The following ANKRD11 variants were observed in gnomAD, a reference collection of about 807,000 sequenced individuals.
ANKRD11 encodes the protein ankyrin repeat domain-containing protein 11.
Under a neutral mutation model 195.7 loss-of-function variants are expected in ANKRD11, and 17 were observed. The ratio of observed to expected loss-of-function variants is 0.09; its 90% CI spans 0.06 to 0.13. ANKRD11 has a LOEUF of 0.13. ANKRD11 is among the 10% of genes least tolerant of loss of function. The probability of loss-of-function intolerance (pLI) is 1.00; values close to 1 mark genes in which losing one functional copy is unlikely to be tolerated. For missense variants in ANKRD11, 3,735 were observed against 3,566.1 expected (o/e 1.05, Z -1.21); for synonymous variants, 1,953 against 1,528.1 (o/e 1.28, Z -6.49).
In ANKRD11 at chr16:89,283,696, C is replaced by T. The variant is rs775618210; in HGVS notation, c.2846G>A (p.Arg949Gln). 40 of 1,613,226 alleles carry T rather than the reference C, an allele frequency of 2.5e-5. No individual in the cohort carries two copies. The highest frequency in any genetic ancestry group is 3.3e-4 in the Middle Eastern group (2 of 6,084). ...KKRRESAEAG[R>Q]DRKDALESCK... ...GCTCTCCAGGGCGTCCTTTCTGTCC[C>T]GCCCGGCCTCTGCGGACTCTCTCCT... Residue 949 changes from arginine (R) to glutamine (Q), a missense_variant, in exon 9 of 13, where the codon CGG becomes CAG. Physicochemically the swap from Arg to Gln is conservative, Grantham distance 43. Coordinates refer to ENST00000301030, the MANE Select transcript of ANKRD11 (RefSeq NM_013275.6). This position sits in a 1 kb window ranked among gnomAD's most constrained non-coding sequence, Gnocchi z 4.3.
intron 1 of ANKRD11, among the ~76,000 whole-genome samples, chr16:89,420,656 G>T (rs1017726975): frequency 1.6e-4 from 24 of 152,182 alleles, no homozygotes; most frequent in South Asian, 1.0e-3. Context: ...CTCAGTAACT[G>T]ATCCCATTAT....
At chr16:89,470,553 C>T (rs943113917) in intron 1 of ANKRD11, among the ~76,000 whole-genome samples, 2 of 152,116 alleles carry the variant, frequency 1.3e-5, no homozygotes, top group Admixed American at 6.6e-5. Flanking sequence ...TCTAAGAAAT[C>T]TCATGAAAGC....
intron 2 of ANKRD11, among the ~76,000 whole-genome samples, chr16:89,402,786 T>C (rs1331889474): frequency 1.2e-5 from 1 of 80,212 alleles, no homozygotes; most frequent in African/African-American, 5.0e-5. Flanking sequence ...CTCTGTGGGA[T>C]GAGGTGAGGT....
intron 2 of ANKRD11, among the ~76,000 whole-genome samples, chr16:89,416,192 C>G (rs748847430): frequency 1.3e-5 from 2 of 152,184 alleles, no homozygotes; most frequent in Non-Finnish European, 2.9e-5. Context: ...ATCTATTGTT[C>G]TCAATCCACT....
In ANKRD11 at chr16:89,285,012, C is replaced by T. The variant is rs752804554; in HGVS notation, c.1530G>A (p.Lys510=). ...GCLKGSPLVL[K]DPSLFSSLSA... ...AGAGGGAGCTGAACAGGGAGGGGTCCTTCAGCACCAGCGGGGACCCCTTGA... is the reference window on the plus strand; with the variant it reads ...AGAGGGAGCTGAACAGGGAGGGGTCTTTCAGCACCAGCGGGGACCCCTTGA... The change falls in exon 9 of 13, where the codon AAG becomes AAA. Residue 510 remains lysine, a synonymous_variant. Coordinates refer to ENST00000301030, the MANE Select transcript of ANKRD11 (RefSeq NM_013275.6). This position sits in a 1 kb window ranked among gnomAD's most constrained non-coding sequence, Gnocchi z 5.6. 9 of 1,614,000 alleles carry T rather than the reference C, an allele frequency of 5.6e-6. No individual in the cohort carries two copies. Among genetic ancestry groups the T allele is most frequent in the Non-Finnish European group, 5.9e-6 (7 of 1,179,984 alleles).
At chr16:89,272,702 G>A (rs151188332) in intron 11 of ANKRD11, 6 of 152,048 alleles carry the variant, frequency 3.9e-5, no homozygotes, top group East Asian at 1.9e-4. Context: ...ATATTGAAAC[G>A]GTGTCCACAC....
At chr16:89,466,449 T>C (rs1054237551) in intron 1 of ANKRD11, among the ~76,000 whole-genome samples, 1 of 152,102 alleles carries the variant, frequency 6.6e-6, no homozygotes, top group African/African-American at 2.4e-5. Flanking sequence ...ATACTAAAAA[T>C]CACTAAACTG....
At chr16:89,356,633 T>TAAG (rs2039486667) in intron 2 of ANKRD11, among the ~76,000 whole-genome samples, 2 of 146,200 alleles carry the variant, frequency 1.4e-5, no homozygotes, top group African/African-American at 2.5e-5. Flanking sequence ...AAAAAAAAAT[T>TAAG]AGCCAGGCGT....
At chr16:89,308,307 C>T (rs546328669) in intron 3 of ANKRD11, among the ~76,000 whole-genome samples, 95 of 152,340 alleles carry the variant, frequency 6.2e-4, no homozygotes, top group African/African-American at 2.0e-3. Flanking sequence ...GTGCTCATGT[C>T]AACAGCTACA....
intron 1 of ANKRD11, among the ~76,000 whole-genome samples, chr16:89,438,320 G>T (rs1252866208): frequency 8.3e-6 from 1 of 119,890 alleles, no homozygotes; most frequent in Non-Finnish European, 1.8e-5. Context: ...TTGGGATAGG[G>T]AACATTTTTT....
At chr16:89,278,111 G>A (rs760679020) in intron 9 of ANKRD11, 2 of 241,308 alleles carry the variant, frequency 8.3e-6, no homozygotes, top group Non-Finnish European at 1.6e-5. Context: ...GGCACAGTGT[G>A]AGTGGAGTCG....
chr16:89,452,558 C>T (rs2044126351), intron 1 of ANKRD11, among the ~76,000 whole-genome samples: 2 of 151,782 alleles, frequency 1.3e-5, no homozygotes, highest in South Asian at 4.2e-4. Context: ...GGGTGGATCA[C>T]CTGAGGTCAA....
In ANKRD11 at chr16:89,290,715, G is replaced by A. The variant is rs375525371; in HGVS notation, c.511C>T (p.Arg171Cys). Residue 171 changes from arginine to cysteine, a missense_variant, in exon 6 of 13, where the codon CGC becomes TGC. Physicochemically the swap from Arg to Cys is radical, Grantham distance 180. Transcript: ENST00000301030. ...CCGCGGATGGCGGCTCGGTGCAGGC[G>A]GGTCTCTCCACGCTCGTTTCTCTTG... ...VNKRNERGETRLHRAAIRGDA... is the reference protein window; with the variant it reads ...VNKRNERGETCLHRAAIRGDA... 2 of 1,613,656 alleles carry A rather than the reference G, an allele frequency of 1.2e-6. No individual in the cohort carries two copies. The highest frequency in any genetic ancestry group is 1.3e-5 in the African/African-American group (1 of 74,928).
intron 1 of ANKRD11, among the ~76,000 whole-genome samples, chr16:89,419,279 C>T (rs528760987): frequency 6.6e-6 from 1 of 151,714 alleles, no homozygotes; most frequent in African/African-American, 2.4e-5. Context: ...GGGCAAAACC[C>T]CGTCTCTACT....
chr16:89,451,146 G>C (rs1303690384), intron 1 of ANKRD11, among the ~76,000 whole-genome samples: 1 of 152,218 alleles, frequency 6.6e-6, no homozygotes. Context: ...TGTAGAAAAA[G>C]TTTGCCAATG....
intron 2 of ANKRD11, among the ~76,000 whole-genome samples, chr16:89,388,954 A>G (rs931144330): frequency 6.6e-6 from 1 of 152,252 alleles, no homozygotes; most frequent in Middle Eastern, 3.2e-3. Flanking sequence ...GATGACTTAC[A>G]GGAATATACA....
At chr16:89,376,582 C>T (rs535559293) in intron 2 of ANKRD11, among the ~76,000 whole-genome samples, 1 of 152,216 alleles carries the variant, frequency 6.6e-6, no homozygotes, top group African/African-American at 2.4e-5. Context: ...GGACCACAGG[C>T]GCCCACCACC....
intron 1 of ANKRD11, among the ~76,000 whole-genome samples, chr16:89,426,809 C>T (rs1051355147): frequency 4.6e-5 from 7 of 152,186 alleles, no homozygotes; most frequent in African/African-American, 1.4e-4. Context: ...ACAGAAAAGA[C>T]GGAGAAATCC....
intron 2 of ANKRD11, among the ~76,000 whole-genome samples, chr16:89,334,205 G>C (rs2038227489): frequency 7.1e-6 from 1 of 140,694 alleles, no homozygotes; most frequent in African/African-American, 2.8e-5. Flanking sequence ...AAAAAACACT[G>C]TTCCCAAGCT....
Sources: gnomAD v4.1 joint callset for allele counts (sites outside exome capture counted in the v4.1 genomes callset) on GRCh38, gnomAD v4.1.1 for gene constraint, Gnocchi (gnomAD v3.1) non-coding constraint, MANE v1.5 for transcripts, NCBI Gene and HGNC (gene_info 2026-07-23, HGNC 2026-07-21) for gene names.